The following MYCBP2 variants were observed in gnomAD, a reference collection of about 807,000 sequenced individuals.
MYCBP2 encodes MYC binding protein 2.
MYCBP2 carries 120 observed loss-of-function variants against 525.3 expected under a neutral mutation model. The observed-to-expected ratio is 0.23, with a 90% CI of 0.20 to 0.27. The LOEUF is 0.27. Ranked by LOEUF, MYCBP2 falls within the 10% of genes least tolerant of loss-of-function variation. The pLI, the probability that MYCBP2 is intolerant of heterozygous loss-of-function variation, is 1.00. For missense variants in MYCBP2, 4,149 were observed against 5,657.1 expected, an observed-to-expected ratio of 0.73 and a Z score of 8.55; for synonymous variants, 1,894 against 1,955.8, an observed-to-expected ratio of 0.97 and a Z score of 0.83.
intron 68 of MYCBP2, among the ~76,000 whole-genome samples, chr13:77,074,782 T>C (rs1594264834): frequency 6.6e-6 from 1 of 152,200 alleles, no homozygotes; most frequent in African/African-American, 2.4e-5. Flanking sequence ...AGTGGTTCCA[T>C]TTATATGACA....
In MYCBP2 at chr13:77,133,267, T is replaced by G. The variant is rs190375602; in HGVS notation, c.7659+5929A>C. Among the ~76,000 whole-genome samples the G allele has an allele frequency of 2.6e-5, 4 of 152,326 alleles. No homozygotes were observed. In the East Asian group the frequency reaches 7.7e-4, roughly 29 times the overall value. ...CATTGCAAAAATGAGAATTATAATA[T>G]GCTTAACATCACAGGGTCACAATGA... On this transcript the variant is annotated intron_variant, in intron 52 of 82. Coordinates refer to ENST00000544440, the MANE Select transcript of MYCBP2 (RefSeq NM_015057.5).
chr13:77,296,500 A>G, intron 2 of MYCBP2, 99 bp downstream of exon 2: 3 of 1,301,238 alleles, frequency 2.3e-6, no homozygotes, highest in Non-Finnish European at 3.1e-6. Flanking sequence ...TTCAGCACAT[A>G]CTAATAAAAT....
At chr13:77,112,930 A>T (rs1011541851) in intron 55 of MYCBP2, among the ~76,000 whole-genome samples, 2 of 152,100 alleles carry the variant, frequency 1.3e-5, no homozygotes, top group African/African-American at 4.8e-5. Flanking sequence ...TTCTCTTTAG[A>T]TCAAATCTTG....
At chr13:77,126,927 TA>T (rs1436405053) in intron 52 of MYCBP2, among the ~76,000 whole-genome samples, 1 of 152,144 alleles carries the variant, frequency 6.6e-6, no homozygotes, top group African/African-American at 2.4e-5. Context: ...TGCATTACTG[TA>T]TATTGTTATG....
In MYCBP2 at chr13:77,260,762, T is replaced by C. The variant is rs147344299; in HGVS notation, c.1853-170A>G. 5.1e-4 allele frequency among the ~76,000 whole-genome samples: 78 copies of C among 152,306 alleles called. No homozygotes were observed. In the East Asian group the frequency reaches 0.014, roughly 28 times the overall value. ...ACATGTCATTTAAAATCAGTGAACC[T>C]GCTAGCCTCATCTGGTCAATTAATA... is the stretch of plus-strand genomic sequence containing the variant. On this transcript the variant is annotated intron_variant, in intron 12 of 82. Transcript: ENST00000544440.
chr13:77,198,580 T>C (rs2062019178), intron 26 of MYCBP2, among the ~76,000 whole-genome samples: 1 of 152,226 alleles, frequency 6.6e-6, no homozygotes, highest in Admixed American at 6.5e-5. Flanking sequence ...AATCAGGTAA[T>C]TTGAGAAGCA....
intron 49 of MYCBP2, 127 bp downstream of exon 49, chr13:77,144,318 G>A (rs2055173181): frequency 1.5e-6 from 1 of 652,944 alleles, no homozygotes; most frequent in Non-Finnish European, 2.7e-6. Flanking sequence ...AGAAAACAAG[G>A]CCTCAAATAA....
intron 52 of MYCBP2, chr13:77,129,159 G>C (rs2052272627): frequency 2.5e-6 from 1 of 397,570 alleles, no homozygotes; most frequent in Non-Finnish European, 4.4e-6. Context: ...AACTCACCTG[G>C]GGGAAAAAAG....
At chr13:77,183,434 T>C (rs972956743) in intron 32 of MYCBP2, among the ~76,000 whole-genome samples, 2 of 151,952 alleles carry the variant, frequency 1.3e-5, no homozygotes, top group African/African-American at 4.8e-5. Context: ...TTCTATTTCT[T>C]AATGTGTTAG....
At chr13:77,238,145 A>C (rs2068227535) in intron 17 of MYCBP2, among the ~76,000 whole-genome samples, 1 of 147,368 alleles carries the variant, frequency 6.8e-6, no homozygotes, top group Non-Finnish European at 1.5e-5. Flanking sequence ...CGGGAGGCTG[A>C]GGCAGAAGAG....
At chr13:77,152,851 G>C (rs111854684) in intron 46 of MYCBP2, among the ~76,000 whole-genome samples, 2,112 of 152,114 alleles carry the variant, frequency 0.014, 47 homozygotes, top group African/African-American at 0.048. Context: ...GAATCACAAG[G>C]TCAGGAGATC....
intron 35 of MYCBP2, 73 bp from the exon 36 acceptor site, chr13:77,176,701 AATT>A (rs2154240986): frequency 8.7e-7 from 1 of 1,143,156 alleles, no homozygotes; most frequent in East Asian, 2.9e-5. Flanking sequence ...TTTGATTTAT[AATT>A]ATTATTTTTA....
intron 52 of MYCBP2, among the ~76,000 whole-genome samples, chr13:77,136,615 T>C (rs1343737043): frequency 6.6e-6 from 1 of 152,208 alleles, no homozygotes; most frequent in African/African-American, 2.4e-5. Context: ...GTTGGGTCTA[T>C]ACAGTGGTCT....
Position 77,217,930 on chromosome 13 carries a change from C to A in MYCBP2, c.2967G>T (p.Leu989Phe), listed in dbSNP as rs371418517. ...CAGTGACTTGTGTGCTAGGGCCTGG[C>A]AATGCTTGAACAAGAGTGGGACATC... ...SRGCPTLVQALPGPSTQVTAG... is the reference protein window; with the variant it reads ...SRGCPTLVQAFPGPSTQVTAG... The change falls in exon 21 of 83, where the codon TTG becomes TTT. Residue 989 changes from leucine to phenylalanine, a missense_variant. By Grantham distance (22) the Leu-to-Phe change is conservative. Transcript: ENST00000544440. 8.7e-6 allele frequency: 14 copies of A among 1,603,710 alleles called. No individual in the cohort carries two copies. In the African/African-American group the frequency reaches 1.5e-4, roughly 17 times the overall value.
rs2076488613 is a variant in MYCBP2 at position 77,284,152 on chromosome 13, AT to A, written c.594+4008del. Among the ~76,000 whole-genome samples the A allele has an allele frequency of 6.6e-5, 10 of 152,302 alleles. No homozygotes were observed. In the South Asian group the frequency reaches 2.1e-3, roughly 32 times the overall value. The stretch of plus-strand genomic sequence containing the variant: ...TCAATTTATTAGTAACTAAATAATA[AT>A]TTAAAACTCAAGAATGGGAAAAATA... On this transcript the variant is annotated intron_variant, in intron 3 of 82. Transcript: ENST00000544440.
chr13:77,055,477 G>C, intron 80 of MYCBP2, 81 bp downstream of exon 80: 1 of 1,100,168 alleles, frequency 9.1e-7, no homozygotes, highest in African/African-American at 1.6e-5. Flanking sequence ...GGAATAATTA[G>C]ATATCACTGT....
Position 77,298,996 on chromosome 13 carries a change from G to A in MYCBP2, c.303-2322C>T, listed in dbSNP as rs545281919. 4.9e-4 allele frequency among the ~76,000 whole-genome samples: 62 copies of A among 126,894 alleles called. No individual in the cohort carries two copies. In the South Asian group the frequency reaches 0.013, roughly 26 times the overall value. 83.2% of individuals were successfully genotyped at this position (126,894 alleles called of 152,430 possible). ...CAAATAAATAAATAAAACACAATAC[G>A]TATTCTTCATACTATTTAGGAAACC... On this transcript the variant is annotated intron_variant, in intron 1 of 82. Transcript: ENST00000544440.
chr13:77,139,796 A>C (rs566200573), intron 51 of MYCBP2, among the ~76,000 whole-genome samples: 3 of 152,362 alleles, frequency 2.0e-5, no homozygotes, highest in African/African-American at 7.2e-5. Flanking sequence ...CAGTGAATAC[A>C]TGTACAGGTT....
At chr13:77,158,753 C>G (rs2057515527) in intron 44 of MYCBP2, among the ~76,000 whole-genome samples, 1 of 152,148 alleles carries the variant, frequency 6.6e-6, no homozygotes, top group Admixed American at 6.5e-5. Flanking sequence ...CGGCTTCCCT[C>G]TTTTTCAGTC....
Sources: gnomAD v4.1 joint callset for allele counts (sites outside exome capture counted in the v4.1 genomes callset) on GRCh38, gnomAD v4.1.1 for gene constraint, MANE v1.5 for transcripts, NCBI Gene and HGNC (gene_info 2026-07-23, HGNC 2026-07-21) for gene names.